Variants in DCAF5 observed in about 807,000 individuals in gnomAD.
The protein encoded by DCAF5 is DDB1- and CUL4-associated factor 5.
A neutral mutation model predicts 80.7 loss-of-function variants in DCAF5; 9 were observed. That is an observed-to-expected ratio of 0.11 (90% CI 0.07 to 0.19). The LOEUF is 0.19. Among genes scored for constraint, DCAF5 ranks in the 10% least tolerant of loss-of-function variants. The probability of loss-of-function intolerance (pLI) is 1.00; values close to 1 mark genes in which losing one functional copy is unlikely to be tolerated. For missense variants in DCAF5, 842 were observed against 1,205.7 expected (o/e 0.70, Z 4.47); for synonymous variants, 433 against 461.9 (o/e 0.94, Z 0.80).
intron 6 of DCAF5, chr14:69,089,483 TA>T (rs2139960684): frequency 1.3e-5 from 2 of 152,242 alleles, no homozygotes; most frequent in East Asian, 3.9e-4. Flanking sequence ...TCAGAGAGAA[TA>T]AAATACCCAT....
chr14:69,083,800 A>C, intron 6 of DCAF5: 1 of 707,748 alleles, frequency 1.4e-6, no homozygotes, highest in Non-Finnish European at 2.6e-6. Context: ...TGAAGAAGAA[A>C]GTGCCAAGTC....
chr14:69,112,594 T>TACACAC (rs3044674), intron 5 of DCAF5, among the ~76,000 whole-genome samples: 1,769 of 145,202 alleles, frequency 0.012, 10 homozygotes, highest in African/African-American at 0.024. Flanking sequence ...TATATATGTA[T>TACACAC]ACACACACAC....
chr14:69,086,647 A>T (rs561315620), intron 6 of DCAF5, among the ~76,000 whole-genome samples: 1 of 150,522 alleles, frequency 6.6e-6, no homozygotes, highest in African/African-American at 2.4e-5. Context: ...AAGCAAAGTT[A>T]TAACTTTAGA....
At chr14:69,075,483 A>C in intron 6 of DCAF5, 72 bp from the exon 7 acceptor site, 61 of 971,892 alleles carry the variant, frequency 6.3e-5, no homozygotes, top group Non-Finnish European at 7.6e-5. Flanking sequence ...GTAACAATAA[A>C]CATATTAATT....
intron 5 of DCAF5, among the ~76,000 whole-genome samples, chr14:69,096,153 G>A (rs369391790): frequency 2.6e-5 from 4 of 152,264 alleles, no homozygotes; most frequent in Admixed American, 6.5e-5. Flanking sequence ...CACACTGGTC[G>A]CATTCAAGTA....
In DCAF5 at chr14:69,054,576, G is replaced by A; in HGVS notation, c.2110C>T (p.Pro704Ser). 3 of 1,614,184 alleles carry A rather than the reference G, an allele frequency of 1.9e-6. No individual in the cohort carries two copies. Among genetic ancestry groups the A allele is most frequent in the Non-Finnish European group, 2.5e-6 (3 of 1,180,026 alleles). The change falls in exon 9 of 9, where the codon CCT becomes TCT. Residue 704 changes from proline (P) to serine (S), a missense_variant. Pro to Ser is a moderately conservative substitution (Grantham distance 74). Transcript: ENST00000341516. ...AGACAGGCTTCCTTACTGGAAGAAG[G>A]GGCTGGGTTGTCTTTGTGGCTGGTT... ...AGTSHKDNPA[P>S]SSSKEACLNI...
chr14:69,098,893 C>CAAAAAAAAAAAAAAAAA (rs57089112), intron 5 of DCAF5, among the ~76,000 whole-genome samples: 2 of 59,582 alleles, frequency 3.4e-5, no homozygotes, highest in Non-Finnish European at 6.1e-5. Flanking sequence ...ACTCTGTCTC[C>CAAAAAAAAAAAAAAAAA]AAAAAAAAAA....
At chr14:69,110,578 A>T (rs542690592) in intron 5 of DCAF5, among the ~76,000 whole-genome samples, 1 of 152,006 alleles carries the variant, frequency 6.6e-6, no homozygotes, top group South Asian at 2.1e-4. Context: ...CTTTTCACTT[A>T]CTTAATAGTG....
At chr14:69,117,246 G>A (rs891353854) in intron 4 of DCAF5, among the ~76,000 whole-genome samples, 1 of 152,184 alleles carries the variant, frequency 6.6e-6, no homozygotes, top group Non-Finnish European at 1.5e-5. Context: ...CAGTTCAGAC[G>A]AAGGAGAATT....
rs945267972 is a variant in DCAF5 at position 69,053,750 on chromosome 14, T to C, written c.*107A>G. 3.6e-5 allele frequency: 41 copies of C among 1,140,782 alleles called. No homozygotes were observed. The African/African-American group carries it at 5.6e-4, about 16-fold the overall frequency. The allele number at this position is 1,140,782 out of a possible 1,614,324, so 70.7% of individuals were successfully genotyped here. ...TCAGACACAAAATTTCAGGCCCTGG[T>C]TTCATGTGCCTTTAATACTTGTTTT... On this transcript the variant is annotated 3_prime_UTR_variant, in exon 9 of 9. Coordinates refer to ENST00000341516, the MANE Select transcript of DCAF5 (RefSeq NM_003861.3).
At chr14:69,122,491 C>A in intron 1 of DCAF5, 131 bp from the exon 2 acceptor site, 1 of 924,162 alleles carries the variant, frequency 1.1e-6, no homozygotes, top group African/African-American at 1.7e-5. Flanking sequence ...GCATGGAGCA[C>A]AAAAACCCAG....
At chr14:69,144,323 A>T (rs2041468088) in intron 1 of DCAF5, among the ~76,000 whole-genome samples, 2 of 152,216 alleles carry the variant, frequency 1.3e-5, no homozygotes, top group African/African-American at 4.8e-5. Context: ...CTGTAATCAC[A>T]GCACTTTGGG....
In DCAF5 at chr14:69,118,208, T is replaced by C; in HGVS notation, c.466A>G (p.Asn156Asp). 1 of 1,613,986 alleles carries C rather than the reference T, an allele frequency of 6.2e-7. No homozygotes were observed. Among genetic ancestry groups the C allele is most frequent in the Non-Finnish European group, 8.5e-7 (1 of 1,179,914 alleles). Residue 156 changes from asparagine to aspartate, a missense_variant, in exon 4 of 9, where the codon AAC (asparagine) becomes GAC (aspartate). Physicochemically the swap from Asn to Asp is conservative, Grantham distance 23. Around this residue, in one of 5 missense-constraint regions of DCAF5, gnomAD observed 142 missense variants for 311.9 expected, o/e 0.46. Coordinates refer to ENST00000341516, the MANE Select transcript of DCAF5 (RefSeq NM_003861.3). This position sits in a 1 kb window ranked among gnomAD's most constrained non-coding sequence, Gnocchi z 4.0. Reference sequence around the variant, plus strand: ...TCATCTGAGGAACTGGCAAAAATGTTGTCATTCACTGGGCTCACAGACAAG... The same window carrying C: ...TCATCTGAGGAACTGGCAAAAATGTCGTCATTCACTGGGCTCACAGACAAG... ...YGLSVSPVNDNIFASSSDDGR... is the reference protein window; with the variant it reads ...YGLSVSPVNDDIFASSSDDGR...
Position 69,148,167 on chromosome 14 carries a change from G to C in DCAF5, c.214+4598C>G, listed in dbSNP as rs557568600. Among the ~76,000 whole-genome samples, 215 of 144,898 alleles carry C rather than the reference G, an allele frequency of 1.5e-3. 5 individuals are homozygous for C. The South Asian group carries it at 0.029, about 20-fold the overall frequency. ...GACCCCATTCTAAGAAAAAGGAAAAGCATAAGAGGAGGCAATGAGAGCAAT... is the reference window on the plus strand; with the variant it reads ...GACCCCATTCTAAGAAAAAGGAAAACCATAAGAGGAGGCAATGAGAGCAAT... On this transcript the variant is annotated intron_variant, in intron 1 of 8. Transcript: ENST00000341516.
chr14:69,061,428 T>C (rs1246495396), intron 8 of DCAF5, among the ~76,000 whole-genome samples: 2 of 152,204 alleles, frequency 1.3e-5, no homozygotes, highest in Non-Finnish European at 2.9e-5. Flanking sequence ...TACTAGCAAC[T>C]GGAATACAAG....
In DCAF5 at chr14:69,054,177, A is replaced by G. The variant is rs1235629145; in HGVS notation, c.2509T>C (p.Leu837=). 2 of 1,614,078 alleles carry G rather than the reference A, an allele frequency of 1.2e-6. No homozygotes were observed. The highest frequency in any genetic ancestry group is 1.7e-6 in the Non-Finnish European group (2 of 1,180,038). ...TICANHNNGR[L]HPRPPHPHNN... ...TGAGGGTGAGGGGGACGAGGGTGTA[A>G]GCGTCCATTGTTGTGGTTGGCACAG... Residue 837 remains leucine, a synonymous_variant, in exon 9 of 9, where the codon TTA becomes CTA. Transcript: ENST00000341516.
intron 5 of DCAF5, among the ~76,000 whole-genome samples, chr14:69,113,944 T>C (rs1272596926): frequency 6.6e-6 from 1 of 152,238 alleles, no homozygotes; most frequent in Non-Finnish European, 1.5e-5. Context: ...GATTGTCAAT[T>C]AGCCCTACTG....
chr14:69,061,045 G>A (rs975002629), intron 8 of DCAF5, among the ~76,000 whole-genome samples: 11 of 150,934 alleles, frequency 7.3e-5, no homozygotes, highest in Admixed American at 5.9e-4. Flanking sequence ...TCACTCTGTT[G>A]CCTAGGCTGG....
chr14:69,132,931 C>T (rs1426924962), intron 1 of DCAF5, among the ~76,000 whole-genome samples: 1 of 152,176 alleles, frequency 6.6e-6, no homozygotes, highest in African/African-American at 2.4e-5. Context: ...GAAAACAACA[C>T]TACTTATTTC....
Sources: allele counts gnomAD v4.1 joint callset (sites outside exome capture counted in the v4.1 genomes callset), GRCh38; gene constraint gnomAD v4.1.1; regional missense constraint gnomAD v4.1.1; non-coding constraint Gnocchi (gnomAD v3.1); transcripts MANE v1.5; gene names NCBI Gene and HGNC (gene_info 2026-07-23, HGNC 2026-07-21).